The following MTR variants were observed in gnomAD, a reference collection of about 807,000 sequenced individuals.
MTR encodes 5-methyltetrahydrofolate-homocysteine methyltransferase, also known as methionine synthase.
In MTR, 84 loss-of-function variants were observed where a neutral mutation model predicts 154.8. That is an observed-to-expected ratio of 0.54 (90% CI 0.45 to 0.65). MTR has a LOEUF of 0.65. MTR is among the 30% of genes least tolerant of loss of function. The probability of loss-of-function intolerance (pLI) is 0.00; values close to 1 mark genes in which losing one functional copy is unlikely to be tolerated. For synonymous variants in MTR, 554 were observed against 553.9 expected (o/e 1.00, Z 0.00); for missense variants, 1,275 against 1,570.2 (o/e 0.81, Z 3.18).
At chr1:236,856,505 C>G (rs895570859) in intron 18 of MTR, among the ~76,000 whole-genome samples, 1 of 147,982 alleles carries the variant, frequency 6.8e-6, no homozygotes, top group African/African-American at 2.5e-5. Context: ...TCTTCTTGTT[C>G]TTCTTCTTTC....
At chr1:236,872,785 C>G (rs1310992277) in intron 22 of MTR, among the ~76,000 whole-genome samples, 1 of 152,146 alleles carries the variant, frequency 6.6e-6, no homozygotes, top group Non-Finnish European at 1.5e-5. Context: ...GTGGGAGGAT[C>G]ACTTGAGCCC....
rs201975748 is a variant in MTR at position 236,795,712 on chromosome 1, C to A, written c.9C>A (p.Pro3=). The change falls in exon 1 of 33, where the codon CCC becomes CCA. Residue 3 remains proline (P), a synonymous_variant. Coordinates refer to ENST00000366577, the MANE Select transcript of MTR (RefSeq NM_000254.3). Reference sequence around the variant, plus strand: ...GGAGGAGACTCGACAACATGTCACCCGCGCTCCAAGACCTGTCGCAACCCG... The same window carrying A: ...GGAGGAGACTCGACAACATGTCACCAGCGCTCCAAGACCTGTCGCAACCCG... The part of the protein sequence containing the change: MS[P]ALQDLSQPEG... 6.2e-7 allele frequency: 1 copy of A among 1,614,182 alleles called. No individual in the cohort carries two copies. Among genetic ancestry groups the A allele is most frequent in the Non-Finnish European group, 8.5e-7 (1 of 1,180,034 alleles).
At chr1:236,852,460 G>T in intron 16 of MTR, 61 bp from the exon 17 acceptor site, 4 of 1,181,098 alleles carry the variant, frequency 3.4e-6, no homozygotes, top group African/African-American at 1.5e-5. Flanking sequence ...AAGCTTAAGA[G>T]ATGTGATTGC....
chr1:236,851,690 T>G (rs1663913910), intron 16 of MTR, among the ~76,000 whole-genome samples: 1 of 152,210 alleles, frequency 6.6e-6, no homozygotes, highest in South Asian at 2.1e-4. Context: ...TAGTAAGAAT[T>G]GACTGAATAT....
At chr1:236,820,347 C>T in intron 8 of MTR, 1 of 758,930 alleles carries the variant, frequency 1.3e-6, no homozygotes, top group Non-Finnish European at 2.4e-6. Flanking sequence ...CTCCCGAGTT[C>T]ACTGCTACTC....
At chr1:236,860,999 A>G (rs1174450322) in intron 19 of MTR, 126 bp from the exon 20 acceptor site, 6 of 774,470 alleles carry the variant, frequency 7.7e-6, no homozygotes, top group Non-Finnish European at 1.2e-5. Flanking sequence ...GAGTCCATGC[A>G]CTCTGCTTCT....
chr1:236,820,587 TAAAAAAAAA>T, intron 8 of MTR: 1 of 410,574 alleles, frequency 2.4e-6, no homozygotes, highest in Non-Finnish European at 4.4e-6. Flanking sequence ...GTCAGTTTCT[TAAAAAAAAA>T]AAAAAAAAGT....
At chr1:236,801,753 CATT>C (rs1338661621) in intron 1 of MTR, among the ~76,000 whole-genome samples, 3 of 152,136 alleles carry the variant, frequency 2.0e-5, no homozygotes, top group Admixed American at 2.0e-4. Context: ...GGGTTGGCGT[CATT>C]ATGGTTTGTT....
At position 236,861,252 on chromosome 1, in the gene MTR, G is replaced by C. The variant is rs144374509; in HGVS notation, c.2171G>C (p.Gly724Ala). The change falls in exon 20 of 33, where the codon GGA becomes GCA. Residue 724 changes from glycine to alanine, a missense_variant. Transcript: ENST00000366577. ...ATGAAAATTGTTGGTGATCTTTTTG[G>C]AGCTGGAAAAATGTTTCTACCTCAG... ...NGMKIVGDLFGAGKMFLPQVI... is the reference protein window; with the variant it reads ...NGMKIVGDLFAAGKMFLPQVI... The C allele has an allele frequency of 9.3e-6, 15 of 1,613,728 alleles. No individual in the cohort carries two copies. In the African/African-American group the frequency reaches 1.6e-4, roughly 17 times the overall value.
chr1:236,896,372 C>T (rs1666624043), intron 31 of MTR, among the ~76,000 whole-genome samples: 1 of 152,222 alleles, frequency 6.6e-6, no homozygotes, highest in South Asian at 2.1e-4. Context: ...TCAGCAGGAA[C>T]AACACTAACT....
intron 26 of MTR, among the ~76,000 whole-genome samples, chr1:236,885,817 A>G (rs57622059): frequency 0.015 from 2,221 of 152,306 alleles, 55 homozygotes; most frequent in African/African-American, 0.051. Flanking sequence ...GGCAAGTGAA[A>G]TGAGATCAAC....
intron 15 of MTR, among the ~76,000 whole-genome samples, chr1:236,843,187 G>A (rs1476864445): frequency 6.6e-6 from 1 of 152,116 alleles, no homozygotes; most frequent in Non-Finnish European, 1.5e-5. Context: ...GCATGGAGGT[G>A]GGGGAATGTT....
At chr1:236,827,443 C>T (rs147913523) in intron 11 of MTR, among the ~76,000 whole-genome samples, 1 of 152,220 alleles carries the variant, frequency 6.6e-6, no homozygotes, top group African/African-American at 2.4e-5. Context: ...AATGTTTTTC[C>T]ATTCTTATTT....
intron 13 of MTR, among the ~76,000 whole-genome samples, chr1:236,833,123 C>T (rs957981141): frequency 2.6e-5 from 4 of 152,230 alleles, no homozygotes; most frequent in Non-Finnish European, 4.4e-5. Context: ...GATCTGTCAT[C>T]TGAACATTCC....
intron 24 of MTR, among the ~76,000 whole-genome samples, chr1:236,878,439 C>T (rs1456431728): frequency 1.3e-5 from 2 of 152,052 alleles, no homozygotes; most frequent in Non-Finnish European, 2.9e-5. Flanking sequence ...TTCCAGACAT[C>T]AGTGACTTGC....
chr1:236,854,977 C>CT, intron 18 of MTR, among the ~76,000 whole-genome samples: 1 of 152,302 alleles, frequency 6.6e-6, no homozygotes, highest in Non-Finnish European at 1.5e-5. Context: ...TTATAAGCCA[C>CT]TGACCTCTCT....
intron 8 of MTR, among the ~76,000 whole-genome samples, chr1:236,820,729 CTA>C (rs1661884760): frequency 6.6e-6 from 1 of 152,114 alleles, no homozygotes; most frequent in Non-Finnish European, 1.5e-5. Context: ...AACTGCCAAA[CTA>C]TCCTCCAAAG....
chr1:236,838,632 T>C, intron 15 of MTR, 33 bp downstream of exon 15: 5 of 1,612,734 alleles, frequency 3.1e-6, no homozygotes, highest in Non-Finnish European at 4.2e-6. Flanking sequence ...ATCCATTGTG[T>C]TTCCCAGGTT....
In MTR at chr1:236,837,420, A is replaced by G. The variant is rs540431631; in HGVS notation, c.1330-994A>G. On this transcript the variant is annotated intron_variant, in intron 14 of 32. Transcript: ENST00000366577. ...GCTTCATAGACTGGGTGCCCCTGAA[A>G]TATGCTTCCATGGCAGTCTGTGCTT... Among the ~76,000 whole-genome samples, 15 of 152,270 alleles carry G rather than the reference A, an allele frequency of 9.9e-5. No individual in the cohort carries two copies. The East Asian group carries it at 2.9e-3, about 29-fold the overall frequency.
Sources: allele counts gnomAD v4.1 joint callset (sites outside exome capture counted in the v4.1 genomes callset), GRCh38; gene constraint gnomAD v4.1.1; transcripts MANE v1.5; gene names NCBI Gene and HGNC (gene_info 2026-07-23, HGNC 2026-07-21).